DHRS3: variants seen among roughly 807,000 people sequenced by gnomAD.
DHRS3 encodes the protein short-chain dehydrogenase/reductase 3.
DHRS3 carries 14 observed loss-of-function variants against 27.2 expected under a neutral mutation model. The observed-to-expected ratio is 0.52, with a 90% CI of 0.34 to 0.81. The LOEUF is 0.81. DHRS3 is among the 30% of genes least tolerant of loss of function. DHRS3 has a pLI of 0.01. For synonymous variants in DHRS3, 165 were observed against 175.9 expected, an observed-to-expected ratio of 0.94 and a Z score of 0.49; for missense variants, 322 against 406.2, an observed-to-expected ratio of 0.79 and a Z score of 1.78.
rs1646925907 is a variant in DHRS3, at chr1:12,613,836, C to G, written c.195+3318G>C. Among the ~76,000 whole-genome samples the G allele has an allele frequency of 2.0e-5, 3 of 152,272 alleles. No individual in the cohort carries two copies. The South Asian group carries it at 6.2e-4, about 32-fold the overall frequency. ...CCAGGCTGGAGTGCAATGGCGTGATCTAGGCTCACTGCAACCTCTACCTCC... is the reference window on the plus strand; with the variant it reads ...CCAGGCTGGAGTGCAATGGCGTGATGTAGGCTCACTGCAACCTCTACCTCC... On this transcript the variant is annotated intron_variant, in intron 1 of 5. Transcript: ENST00000616661.
At chr1:12,573,000 A>C (rs1646553073) in intron 4 of DHRS3, 147 bp from the exon 5 acceptor site, 4 of 1,028,144 alleles carry the variant, frequency 3.9e-6, no homozygotes, top group Admixed American at 3.1e-5. Context: ...CCTCTACCCC[A>C]CACCCATCCA....
chr1:12,598,605 C>T (rs550724598), intron 1 of DHRS3, among the ~76,000 whole-genome samples: 4 of 152,292 alleles, frequency 2.6e-5, no homozygotes, highest in Admixed American at 6.5e-5. Context: ...TGGTAACTAT[C>T]ACTGTGATTA....
At chr1:12,589,990 T>TA (rs1217017165) in intron 1 of DHRS3, among the ~76,000 whole-genome samples, 1 of 152,118 alleles carries the variant, frequency 6.6e-6, no homozygotes, top group Non-Finnish European at 1.5e-5. Context: ...GGCACAGCCT[T>TA]GACTGGGGCA....
intron 1 of DHRS3, among the ~76,000 whole-genome samples, chr1:12,603,883 G>C (rs565911322): frequency 2.8e-4 from 43 of 152,324 alleles, no homozygotes; most frequent in African/African-American, 1.0e-3. Context: ...TCCACCCTGA[G>C]CTTGCCCTGG....
intron 1 of DHRS3, among the ~76,000 whole-genome samples, chr1:12,612,791 G>C (rs1418521947): frequency 6.6e-6 from 1 of 152,134 alleles, no homozygotes; most frequent in African/African-American, 2.4e-5. Context: ...GGGCACGGTG[G>C]CTCACACCTG....
At chr1:12,585,189 C>CTGTGTGTG (rs1227793617) in intron 1 of DHRS3, among the ~76,000 whole-genome samples, 2 of 144,350 alleles carry the variant, frequency 1.4e-5, no homozygotes, top group African/African-American at 5.2e-5. Flanking sequence ...GTGTATGTTT[C>CTGTGTGTG]TGTGTGTGTG....
At chr1:12,569,551 T>A (rs1393009113) in intron 5 of DHRS3, among the ~76,000 whole-genome samples, 1 of 152,106 alleles carries the variant, frequency 6.6e-6, no homozygotes, top group Non-Finnish European at 1.5e-5. Context: ...CTTTTAGTTT[T>A]TTTATTTATT....
At chr1:12,611,200 G>A (rs938982043) in intron 1 of DHRS3, among the ~76,000 whole-genome samples, 3 of 152,220 alleles carry the variant, frequency 2.0e-5, no homozygotes, top group African/African-American at 4.8e-5. Flanking sequence ...AAAGATGGAA[G>A]CTCAGAAGAG....
chr1:12,599,924 G>A (rs1479014083), intron 1 of DHRS3, among the ~76,000 whole-genome samples: 1 of 152,192 alleles, frequency 6.6e-6, no homozygotes, highest in East Asian at 1.9e-4. Context: ...GCTCTGAGGA[G>A]TAAATCAGAT....
intron 1 of DHRS3, among the ~76,000 whole-genome samples, chr1:12,603,303 G>A (rs1266436278): frequency 2.0e-5 from 3 of 152,192 alleles, no homozygotes; most frequent in African/African-American, 7.2e-5. Context: ...ATCCAAGAAG[G>A]GTCCATCGAG....
chr1:12,568,284 C>T lies in DHRS3; in HGVS notation c.*56G>A, dbSNP rs1246302557. ...AATGGACAGGTGCTCGGGTGTGTGC[C>T]CAGGTGCTGTGGCCCCCAAACTCCG... On this transcript the variant is annotated 3_prime_UTR_variant, in exon 6 of 6. Coordinates refer to ENST00000616661, the MANE Select transcript of DHRS3 (RefSeq NM_004753.7). 1 of 1,509,472 alleles carries T rather than the reference C, an allele frequency of 6.6e-7. No homozygotes were observed. Among genetic ancestry groups the T allele is most frequent in the African/African-American group, 1.4e-5 (1 of 72,486 alleles). The allele number at this position is 1,509,472 out of a possible 1,614,324, so 93.5% of individuals were successfully genotyped here. A position where few individuals can be genotyped will look rare whatever the true frequency, so the allele number is the denominator to read the frequency against.
chr1:12,607,986 T>C (rs1301240435), intron 1 of DHRS3, among the ~76,000 whole-genome samples: 1 of 152,200 alleles, frequency 6.6e-6, no homozygotes, highest in African/African-American at 2.4e-5. Context: ...CAAGTGATTC[T>C]CCTGCCTCAG....
At position 12,617,802 on chromosome 1, in the gene DHRS3, A is replaced by C. The variant is rs1453972467; in HGVS notation, c.-454T>G. 2 of 145,068 alleles carry C rather than the reference A, an allele frequency of 1.4e-5. No individual in the cohort carries two copies. The highest frequency in any genetic ancestry group is 3.0e-5 in the Non-Finnish European group (2 of 66,232). The allele number at this position is 145,068 out of a possible 1,614,324, so 9.0% of individuals were successfully genotyped here. On this transcript the variant is annotated 5_prime_UTR_variant, in exon 1 of 6. Transcript: ENST00000616661. The stretch of plus-strand genomic sequence containing the variant: ...AAGTGCAAGATTAAAAAAAAAAAAA[A>C]AAAAAAAAAAAAAGCTGATTCCAAA...
At chr1:12,604,060 T>C (rs1186391556) in intron 1 of DHRS3, among the ~76,000 whole-genome samples, 3 of 152,206 alleles carry the variant, frequency 2.0e-5, no homozygotes, top group African/African-American at 7.2e-5. Flanking sequence ...CCCTTAAAAG[T>C]ACAAAACTTT....
At chr1:12,602,260 C>G (rs1646840663) in intron 1 of DHRS3, among the ~76,000 whole-genome samples, 1 of 152,204 alleles carries the variant, frequency 6.6e-6, no homozygotes, top group Non-Finnish European at 1.5e-5. Flanking sequence ...TGACCAGCCT[C>G]AGCCCCTGGG....
chr1:12,586,845 C>G lies in DHRS3; in HGVS notation c.196-6179G>C, dbSNP rs1387142420. ...TCCTGTAAGAGAAAGCACATCTCCT[C>G]TCTTCAAGGGGTCCTGTGGGGATTA... On this transcript the variant is annotated intron_variant, in intron 1 of 5. Coordinates refer to ENST00000616661, the MANE Select transcript of DHRS3 (RefSeq NM_004753.7). This position sits in a 1 kb window ranked among gnomAD's most constrained non-coding sequence, Gnocchi z 5.0. Among the ~76,000 whole-genome samples, 4 of 152,190 alleles carry G rather than the reference C, an allele frequency of 2.6e-5. No individual in the cohort carries two copies. Among genetic ancestry groups the G allele is most frequent in the Non-Finnish European group, 1.5e-5 (1 of 68,038 alleles).
intron 1 of DHRS3, among the ~76,000 whole-genome samples, chr1:12,607,847 ATGTGTGTGTGTGTATG>A (rs1223443857): frequency 6.6e-6 from 1 of 151,398 alleles, no homozygotes; most frequent in South Asian, 2.1e-4. Context: ...ATTTGTGTAT[ATGTGTGTGTGTGTATG>A]TGTGTGTGTG....
chr1:12,571,553 G>C (rs527792415), intron 5 of DHRS3, among the ~76,000 whole-genome samples: 4 of 140,530 alleles, frequency 2.8e-5, no homozygotes, highest in African/African-American at 1.1e-4. Flanking sequence ...TTTTTGAGAC[G>C]GAGTCTTGTT....
intron 1 of DHRS3, among the ~76,000 whole-genome samples, chr1:12,603,105 C>T (rs985930964): frequency 6.6e-6 from 1 of 152,182 alleles, no homozygotes; most frequent in African/African-American, 2.4e-5. Context: ...CTTGTGGGCA[C>T]CCCAGAGGTA....
Sources: allele counts gnomAD v4.1 joint callset (sites outside exome capture counted in the v4.1 genomes callset), GRCh38; gene constraint gnomAD v4.1.1; non-coding constraint Gnocchi (gnomAD v3.1); transcripts MANE v1.5; gene names NCBI Gene and HGNC (gene_info 2026-07-23, HGNC 2026-07-21).